The following STAG1 variants were observed in gnomAD, a reference collection of about 807,000 sequenced individuals.
STAG1 encodes STAG1 cohesin complex component.
A neutral mutation model predicts 170.9 loss-of-function variants in STAG1; 26 were observed. The observed-to-expected ratio is 0.15, with a 90% CI of 0.11 to 0.21. The LOEUF (loss-of-function observed/expected upper bound fraction) is 0.21, where lower values mean the gene tolerates loss of function less well. Ranked by LOEUF, STAG1 falls within the 10% of genes least tolerant of loss-of-function variation. The pLI is 1.00. For synonymous variants in STAG1, 514 were observed against 497.7 expected (o/e 1.03, Z -0.44); for missense variants, 964 against 1,509.5 (o/e 0.64, Z 5.99).
intron 7 of STAG1, among the ~76,000 whole-genome samples, chr3:136,517,310 C>T (rs1261738743): frequency 1.3e-5 from 2 of 152,060 alleles, no homozygotes; most frequent in Non-Finnish European, 2.9e-5. Flanking sequence ...TATTTTAACT[C>T]CCTTTTGTTC....
chr3:136,715,186 T>TA (rs1553770647), intron 1 of STAG1, among the ~76,000 whole-genome samples: 3 of 146,668 alleles, frequency 2.0e-5, no homozygotes, highest in South Asian at 4.3e-4. Flanking sequence ...TTTTTTTTTT[T>TA]AATTTAAATA....
chr3:136,525,521 T>C (rs1281676202), intron 6 of STAG1, among the ~76,000 whole-genome samples: 1 of 152,168 alleles, frequency 6.6e-6, no homozygotes, highest in African/African-American at 2.4e-5. Context: ...GGTCTATCAA[T>C]GTTGTTGATC....
At position 136,640,087 on chromosome 3, in the gene STAG1, G is replaced by C. The variant is rs575244233; in HGVS notation, c.-83-9106C>G. Among the ~76,000 whole-genome samples the C allele has an allele frequency of 2.3e-3, 346 of 152,276 alleles. 2 individuals are homozygous for C. Among genetic ancestry groups the C allele is most frequent in the African/African-American group, 8.0e-3 (332 of 41,552 alleles). ...TGTACCTATTGAGTTTGATGATGCA[G>C]TGAAAAATTCTCTGGGACCACAATC... is the stretch of plus-strand genomic sequence containing the variant. On this transcript the variant is annotated intron_variant, in intron 1 of 33. Coordinates refer to ENST00000383202, the MANE Select transcript of STAG1 (RefSeq NM_005862.3).
chr3:136,668,274 T>C (rs1440253824), intron 1 of STAG1, among the ~76,000 whole-genome samples: 3 of 146,996 alleles, frequency 2.0e-5, no homozygotes, highest in Admixed American at 1.4e-4. Flanking sequence ...TTATACATAA[T>C]ATATATTATA....
chr3:136,431,736 G>A (rs1313192313), intron 16 of STAG1, among the ~76,000 whole-genome samples: 1 of 152,120 alleles, frequency 6.6e-6, no homozygotes, highest in Non-Finnish European at 1.5e-5. Context: ...CACTGAATAT[G>A]TCATTCCACT....
intron 15 of STAG1, among the ~76,000 whole-genome samples, chr3:136,442,862 C>CA (rs1203575079): frequency 6.6e-6 from 1 of 152,068 alleles, no homozygotes. Flanking sequence ...CCTGTCTCCA[C>CA]AAAAAATTTA....
chr3:136,362,605 CAAAAAAA>C (rs1237413699), intron 26 of STAG1, among the ~76,000 whole-genome samples: 188 of 42,474 alleles, frequency 4.4e-3, no homozygotes, highest in South Asian at 0.034. Flanking sequence ...ATCATCTCTG[CAAAAAAA>C]AAAAAAAAAA....
At chr3:136,578,329 T>C (rs1279483201) in intron 4 of STAG1, among the ~76,000 whole-genome samples, 1 of 152,152 alleles carries the variant, frequency 6.6e-6, no homozygotes, top group Non-Finnish European at 1.5e-5. Flanking sequence ...CCTGCAGAGA[T>C]CTTGGGCAGT....
chr3:136,630,742 CA>C (rs1369045505), intron 2 of STAG1, 127 bp downstream of exon 2: 8 of 733,712 alleles, frequency 1.1e-5, no homozygotes, highest in African/African-American at 1.1e-4. Flanking sequence ...ACTTACACTG[CA>C]AAGATATTGT....
intron 1 of STAG1, among the ~76,000 whole-genome samples, chr3:136,714,968 ATATATATAT>A (rs1943492934): frequency 9.7e-6 from 1 of 103,394 alleles, no homozygotes; most frequent in Non-Finnish European, 2.1e-5. Context: ...TATATATTTT[ATATATATAT>A]TTTTATATAT....
chr3:136,360,229 A>G (rs1270932558), intron 26 of STAG1, among the ~76,000 whole-genome samples: 2 of 152,198 alleles, frequency 1.3e-5, no homozygotes, highest in Non-Finnish European at 2.9e-5. Flanking sequence ...AACTGTCCAG[A>G]CTTTCACCTA....
intron 6 of STAG1, among the ~76,000 whole-genome samples, chr3:136,534,600 T>C (rs544068428): frequency 6.6e-6 from 1 of 151,936 alleles, no homozygotes. Flanking sequence ...ACATGAATAG[T>C]CAATTCTCAA....
chr3:136,378,948 C>T (rs1273948108), intron 22 of STAG1, among the ~76,000 whole-genome samples: 1 of 152,172 alleles, frequency 6.6e-6, no homozygotes, highest in Non-Finnish European at 1.5e-5. Context: ...CTTTAAGCCA[C>T]TCTATTTTAT....
chr3:136,372,752 G>C (rs1413873359), intron 23 of STAG1, among the ~76,000 whole-genome samples: 3 of 152,166 alleles, frequency 2.0e-5, no homozygotes, highest in African/African-American at 7.2e-5. Flanking sequence ...CAGTTTTCCA[G>C]TATTTTATTG....
At chr3:136,444,169 G>T (rs1264915792) in intron 14 of STAG1, among the ~76,000 whole-genome samples, 2 of 151,872 alleles carry the variant, frequency 1.3e-5, no homozygotes, top group African/African-American at 4.8e-5. Flanking sequence ...CACCTCCTGC[G>T]TTCAAGTGAT....
chr3:136,682,262 T>C (rs1013724509), intron 1 of STAG1, among the ~76,000 whole-genome samples: 1 of 151,604 alleles, frequency 6.6e-6, no homozygotes, highest in African/African-American at 2.4e-5. Flanking sequence ...CTGTCTCTAC[T>C]AAAAATACAA....
chr3:136,484,307 T>G (rs1396538250), intron 9 of STAG1, among the ~76,000 whole-genome samples: 1 of 151,304 alleles, frequency 6.6e-6, no homozygotes, highest in East Asian at 2.0e-4. Context: ...GACAGGACCC[T>G]CAGCTGCAGG....
At chr3:136,426,750 C>T (rs1450629157) in intron 16 of STAG1, among the ~76,000 whole-genome samples, 1 of 151,930 alleles carries the variant, frequency 6.6e-6, no homozygotes, top group East Asian at 1.9e-4. Context: ...AGCAGTTTGG[C>T]CAACATAATG....
intron 13 of STAG1, among the ~76,000 whole-genome samples, chr3:136,459,561 C>G (rs1290336042): frequency 6.6e-6 from 1 of 152,148 alleles, no homozygotes; most frequent in Non-Finnish European, 1.5e-5. Flanking sequence ...CTAACAGTTG[C>G]AGAATACTCA....
Sources: gnomAD v4.1 joint callset for allele counts (sites outside exome capture counted in the v4.1 genomes callset) on GRCh38, gnomAD v4.1.1 for gene constraint, MANE v1.5 for transcripts, NCBI Gene and HGNC (gene_info 2026-07-23, HGNC 2026-07-21) for gene names.